Variants in GRID2 observed in about 807,000 individuals in gnomAD.
GRID2 encodes the protein glutamate receptor ionotropic, delta-2.
A neutral mutation model predicts 114.8 loss-of-function variants in GRID2; 33 were observed. The observed-to-expected ratio is 0.29, with a 90% CI of 0.22 to 0.38. The LOEUF is 0.38. Among genes scored for constraint, GRID2 ranks in the 10% least tolerant of loss-of-function variants. GRID2 has a pLI of 1.00. For missense variants in GRID2, 1,184 were observed against 1,257.7 expected, an observed-to-expected ratio of 0.94 and a Z score of 0.89; for synonymous variants, 505 against 449.9, an observed-to-expected ratio of 1.12 and a Z score of -1.55.
chr4:93,083,271 T>A (rs1730035984), intron 2 of GRID2, among the ~76,000 whole-genome samples: 1 of 152,186 alleles, frequency 6.6e-6, no homozygotes, highest in Non-Finnish European at 1.5e-5. Flanking sequence ...ATTTGACTAC[T>A]CTTTTTGCAT....
intron 1 of GRID2, among the ~76,000 whole-genome samples, chr4:92,539,539 T>G (rs1171570061): frequency 6.6e-6 from 1 of 152,144 alleles, no homozygotes; most frequent in Non-Finnish European, 1.5e-5. Flanking sequence ...TCCTAGACAA[T>G]CCATTATTTT....
intron 2 of GRID2, among the ~76,000 whole-genome samples, chr4:92,636,363 A>C (rs965060291): frequency 1.3e-5 from 2 of 152,144 alleles, no homozygotes; most frequent in Admixed American, 1.3e-4. Flanking sequence ...ACCAAGTTTA[A>C]AGTTAGAGGA....
chr4:92,753,017 A>G (rs568177941), intron 2 of GRID2, among the ~76,000 whole-genome samples: 2 of 152,302 alleles, frequency 1.3e-5, no homozygotes, highest in East Asian at 1.9e-4. Context: ...TTAAGTGAAG[A>G]GAGGACAAAT....
At chr4:93,463,913 T>C (rs560506932) in intron 11 of GRID2, among the ~76,000 whole-genome samples, 34 of 152,100 alleles carry the variant, frequency 2.2e-4, no homozygotes, top group South Asian at 8.3e-4. Context: ...GGCGTGAACC[T>C]GGGAGGTGGA....
intron 1 of GRID2, among the ~76,000 whole-genome samples, chr4:92,516,844 T>C (rs185854563): frequency 1.3e-5 from 2 of 152,028 alleles, no homozygotes; most frequent in East Asian, 3.9e-4. Flanking sequence ...TACAGTCTGC[T>C]CTTCTTCGTT....
chr4:92,891,564 T>A (rs1318988734), intron 2 of GRID2, among the ~76,000 whole-genome samples: 1 of 151,306 alleles, frequency 6.6e-6, no homozygotes, highest in African/African-American at 2.4e-5. Flanking sequence ...CTGAGCAGCA[T>A]TTTTTTTTAA....
intron 14 of GRID2, among the ~76,000 whole-genome samples, chr4:93,669,396 G>A (rs1403621176): frequency 3.9e-5 from 6 of 151,998 alleles, no homozygotes; most frequent in African/African-American, 1.2e-4. Flanking sequence ...ATAATGCACA[G>A]TACAAAAATA....
chr4:92,417,973 G>A (rs1731702228), intron 1 of GRID2, among the ~76,000 whole-genome samples: 1 of 152,092 alleles, frequency 6.6e-6, no homozygotes, highest in South Asian at 2.1e-4. Flanking sequence ...ATGATTGTGA[G>A]GACTCCCCAG....
intron 2 of GRID2, among the ~76,000 whole-genome samples, chr4:92,903,745 C>G (rs1747751436): frequency 1.3e-5 from 2 of 151,886 alleles, no homozygotes; most frequent in African/African-American, 4.8e-5. Flanking sequence ...ACTAATTTCT[C>G]TAAAAATGTC....
intron 2 of GRID2, among the ~76,000 whole-genome samples, chr4:92,817,581 T>C (rs1251693855): frequency 2.6e-5 from 4 of 152,210 alleles, no homozygotes; most frequent in African/African-American, 9.6e-5. Flanking sequence ...TTTTTATGCT[T>C]CCTTATTTTT....
chr4:93,790,706 T>C (rs1734677884), intron 1 of GRID2, among the ~76,000 whole-genome samples: 1 of 152,092 alleles, frequency 6.6e-6, no homozygotes, highest in Non-Finnish European at 1.5e-5. Flanking sequence ...AACATAATAA[T>C]ATGAAAGAAC....
Position 93,031,032 on chromosome 4 carries a change from A to ATT in GRID2, c.245-53942_245-53941dup, listed in dbSNP as rs576187018. Reference sequence around the variant, plus strand: ...AATTGCTTTACATGATCCAATCTCCATTTTTTTTTTTTTTTTTTTTTTGAC... The same window carrying ATT: ...AATTGCTTTACATGATCCAATCTCCATTTTTTTTTTTTTTTTTTTTTTTTGAC... On this transcript the variant is annotated intron_variant, in intron 2 of 15. Transcript: ENST00000282020. Among the ~76,000 whole-genome samples the ATT allele has an allele frequency of 4.0e-4, 42 of 106,194 alleles. 1 individual carries two copies. The highest frequency in any genetic ancestry group is 7.9e-4 in the East Asian group (3 of 3,814). 69.7% of individuals were successfully genotyped at this position (106,194 alleles called of 152,430 possible).
intron 11 of GRID2, among the ~76,000 whole-genome samples, chr4:93,464,942 A>T (rs191456312): frequency 3.9e-5 from 6 of 152,300 alleles, no homozygotes; most frequent in Admixed American, 2.0e-4. Flanking sequence ...CATGTCCTAA[A>T]AGTATATCTT....
At chr4:92,608,856 C>T (rs2149226348) in intron 2 of GRID2, among the ~76,000 whole-genome samples, 1 of 151,790 alleles carries the variant, frequency 6.6e-6, no homozygotes, top group East Asian at 1.9e-4. Flanking sequence ...TAAAAATTGG[C>T]CACTTTGTTA....
intron 2 of GRID2, among the ~76,000 whole-genome samples, chr4:92,716,532 C>T (rs1350623636): frequency 6.6e-6 from 1 of 152,140 alleles, no homozygotes; most frequent in Non-Finnish European, 1.5e-5. Context: ...CCCTCACTTC[C>T]CCTAATCTCT....
chr4:93,677,160 G>A (rs560454882), intron 14 of GRID2, among the ~76,000 whole-genome samples: 37 of 152,272 alleles, frequency 2.4e-4, no homozygotes, highest in East Asian at 1.9e-4. Flanking sequence ...CTATGCCCAC[G>A]GAGGCTCGCT....
chr4:93,654,934 A>G (rs949777038), intron 14 of GRID2, among the ~76,000 whole-genome samples: 9 of 152,178 alleles, frequency 5.9e-5, no homozygotes, highest in Non-Finnish European at 1.0e-4. Flanking sequence ...CTTTGACCAA[A>G]AATAATAAAA....
intron 8 of GRID2, among the ~76,000 whole-genome samples, chr4:93,369,422 G>A (rs1237404080): frequency 6.6e-6 from 1 of 152,122 alleles, no homozygotes; most frequent in Non-Finnish European, 1.5e-5. Flanking sequence ...CAAATTTTAG[G>A]ATTTAATATC....
At chr4:93,553,095 G>A (rs936137986) in intron 13 of GRID2, among the ~76,000 whole-genome samples, 5 of 152,110 alleles carry the variant, frequency 3.3e-5, no homozygotes, top group African/African-American at 1.2e-4. Context: ...ATAAACATGC[G>A]TGTGCATGTG....
Sources: gnomAD v4.1 joint callset for allele counts (sites outside exome capture counted in the v4.1 genomes callset) on GRCh38, gnomAD v4.1.1 for gene constraint, MANE v1.5 for transcripts, NCBI Gene and HGNC (gene_info 2026-07-23, HGNC 2026-07-21) for gene names.